RPS6KC1: variants seen among roughly 807,000 people sequenced by gnomAD.
The protein encoded by RPS6KC1 is inactive ribosomal protein S6 kinase delta-1.
RPS6KC1 carries 54 observed loss-of-function variants against 103.8 expected under a neutral mutation model. That is an observed-to-expected ratio of 0.52 (90% CI 0.42 to 0.65). The LOEUF (loss-of-function observed/expected upper bound fraction) is 0.65. Among genes scored for constraint, RPS6KC1 ranks in the 30% least tolerant of loss-of-function variants. The probability of loss-of-function intolerance (pLI) is 0.00; values close to 1 mark genes in which losing one functional copy is unlikely to be tolerated. For synonymous variants in RPS6KC1, 439 were observed against 438.7 expected (o/e 1.00, Z -0.01); for missense variants, 1,151 against 1,253.8 (o/e 0.92, Z 1.24).
At chr1:213,386,944 C>T in the RPS6KC1 span, among the ~76,000 whole-genome samples, 7 of 152,338 alleles carry the variant, frequency 4.6e-5, no homozygotes, top group South Asian at 2.1e-4. Flanking sequence ...CCTTTAGACA[C>T]GATGAGAGGA....
the RPS6KC1 span, among the ~76,000 whole-genome samples, chr1:213,758,414 C>A: frequency 2.0e-5 from 3 of 151,994 alleles, no homozygotes; most frequent in Admixed American, 1.3e-4. Context: ...CCTGTCTCTA[C>A]TAAAACTATA....
intron 8 of RPS6KC1, among the ~76,000 whole-genome samples, chr1:213,200,840 A>G (rs2093136055): frequency 6.6e-6 from 1 of 152,222 alleles, no homozygotes; most frequent in Admixed American, 6.5e-5. Flanking sequence ...AAAAGAAGAC[A>G]TACATGCAGC....
chr1:213,488,021 A>G, the RPS6KC1 span, among the ~76,000 whole-genome samples: 9 of 151,860 alleles, frequency 5.9e-5, no homozygotes, highest in African/African-American at 2.2e-4. Flanking sequence ...AGAATCATGT[A>G]CTCCAGGTGG....
intron 4 of RPS6KC1, among the ~76,000 whole-genome samples, chr1:213,113,950 T>G (rs1244878953): frequency 3.3e-5 from 5 of 152,170 alleles, no homozygotes; most frequent in African/African-American, 9.7e-5. Flanking sequence ...CCATGCTGTT[T>G]TGGTTACTGT....
the RPS6KC1 span, among the ~76,000 whole-genome samples, chr1:213,523,590 G>C: frequency 6.6e-6 from 1 of 152,076 alleles, no homozygotes; most frequent in East Asian, 1.9e-4. Context: ...CAGAACACAG[G>C]GTCAATAAAT....
the RPS6KC1 span, among the ~76,000 whole-genome samples, chr1:213,766,379 T>C: frequency 1.2e-4 from 19 of 152,280 alleles, no homozygotes; most frequent in South Asian, 2.3e-3. Context: ...TGTTGACTTG[T>C]CATCAAGAGC....
chr1:213,205,547 G>GATATAGATATATAGATATATATATATAT (rs1187996128), intron 8 of RPS6KC1, among the ~76,000 whole-genome samples: 2 of 102,452 alleles, frequency 2.0e-5, no homozygotes, highest in African/African-American at 7.3e-5. Context: ...TATATATATA[G>GATATAGATATATAGATATATATATATAT]ATATATATAT....
At chr1:213,483,578 G>A in the RPS6KC1 span, among the ~76,000 whole-genome samples, 4 of 152,128 alleles carry the variant, frequency 2.6e-5, no homozygotes, top group African/African-American at 9.7e-5. Context: ...GGGGTTTTCA[G>A]TTTTGTATTC....
chr1:213,542,320 C>T, the RPS6KC1 span, among the ~76,000 whole-genome samples: 1 of 152,170 alleles, frequency 6.6e-6, no homozygotes, highest in Non-Finnish European at 1.5e-5. Context: ...TCCAGTCAGT[C>T]TTCATTGATC....
the RPS6KC1 span, among the ~76,000 whole-genome samples, chr1:213,481,604 T>C: frequency 0.05 from 7,548 of 152,238 alleles, 603 homozygotes; most frequent in African/African-American, 0.16. Context: ...GTCAGCTTGA[T>C]TTTGGTATTT....
At chr1:213,561,510 C>T in the RPS6KC1 span, among the ~76,000 whole-genome samples, 1 of 152,156 alleles carries the variant, frequency 6.6e-6, no homozygotes, top group South Asian at 2.1e-4. Context: ...CAGCAATGCC[C>T]TCATGGTATG....
At chr1:213,197,091 C>T (rs575308448) in intron 8 of RPS6KC1, among the ~76,000 whole-genome samples, 4 of 152,174 alleles carry the variant, frequency 2.6e-5, no homozygotes, top group Non-Finnish European at 5.9e-5. Flanking sequence ...CCCGCCTCAG[C>T]CTCCCAAAGT....
chr1:213,176,707 C>T (rs754437269), intron 8 of RPS6KC1: 2 of 340,008 alleles, frequency 5.9e-6, no homozygotes, highest in South Asian at 7.9e-5. Flanking sequence ...AAGGAGAAGG[C>T]GCATATTTGT....
the RPS6KC1 span, among the ~76,000 whole-genome samples, chr1:213,678,097 C>A: frequency 2.0e-5 from 3 of 151,980 alleles, no homozygotes; most frequent in African/African-American, 7.3e-5. Context: ...TCGTTTAAAC[C>A]GGCACAGGGC....
chr1:213,343,374 T>TC, the RPS6KC1 span, among the ~76,000 whole-genome samples: 2 of 127,298 alleles, frequency 1.6e-5, no homozygotes, highest in South Asian at 2.5e-4. Flanking sequence ...GCTTAAACTT[T>TC]TTTTTCAGTG....
the RPS6KC1 span, among the ~76,000 whole-genome samples, chr1:213,672,945 G>A: frequency 6.6e-6 from 1 of 152,088 alleles, no homozygotes; most frequent in African/African-American, 2.4e-5. Flanking sequence ...AGTGCCTCCA[G>A]TTGTACCTTA....
At chr1:213,725,557 GC>G in the RPS6KC1 span, among the ~76,000 whole-genome samples, 7 of 152,178 alleles carry the variant, frequency 4.6e-5, no homozygotes, top group Non-Finnish European at 8.8e-5. Flanking sequence ...TGTGGGTACT[GC>G]TTCAACCACA....
the RPS6KC1 span, among the ~76,000 whole-genome samples, chr1:213,547,577 C>G: frequency 6.6e-6 from 1 of 152,256 alleles, no homozygotes; most frequent in Admixed American, 6.5e-5. Flanking sequence ...AATTTGATCA[C>G]TAGTGTTGGA....
chr1:213,433,252 C>T, the RPS6KC1 span, among the ~76,000 whole-genome samples: 1 of 152,214 alleles, frequency 6.6e-6, no homozygotes, highest in African/African-American at 2.4e-5. Flanking sequence ...TCTCTGACCA[C>T]AGCTGGGAAC....
Sources: allele counts gnomAD v4.1 joint callset (sites outside exome capture counted in the v4.1 genomes callset), GRCh38; gene constraint gnomAD v4.1.1; transcripts MANE v1.5; gene names NCBI Gene and HGNC (gene_info 2026-07-23, HGNC 2026-07-21).